Variants in AGBL4 observed in about 807,000 individuals in gnomAD.
The protein encoded by AGBL4 is cytosolic carboxypeptidase 6.
AGBL4 carries 58 observed loss-of-function variants against 66.4 expected under a neutral mutation model. That is an observed-to-expected ratio of 0.87 (90% CI 0.71 to 1.09). The LOEUF is 1.09. AGBL4 is among the 50% of genes least tolerant of loss of function. The probability of loss-of-function intolerance (pLI) is 0.00; values close to 1 mark genes in which losing one functional copy is unlikely to be tolerated. For synonymous variants in AGBL4, 234 were observed against 222.9 expected (o/e 1.05, Z -0.44); for missense variants, 579 against 631.0 (o/e 0.92, Z 0.88).
At chr1:48,781,874 A>G (rs1274546907) in intron 6 of AGBL4, among the ~76,000 whole-genome samples, 2 of 152,176 alleles carry the variant, frequency 1.3e-5, no homozygotes, top group African/African-American at 4.8e-5. Flanking sequence ...GTCTCTCCTC[A>G]TATGACCTGG....
chr1:48,943,251 G>T (rs1027836919), intron 5 of AGBL4, among the ~76,000 whole-genome samples: 2 of 152,144 alleles, frequency 1.3e-5, no homozygotes, highest in African/African-American at 4.8e-5. Flanking sequence ...GAGAAAGTGG[G>T]GTGGAGGTGG....
intron 4 of AGBL4, among the ~76,000 whole-genome samples, chr1:49,203,591 T>C (rs1266481702): frequency 1.3e-5 from 2 of 152,114 alleles, no homozygotes; most frequent in African/African-American, 2.4e-5. Flanking sequence ...AATATAATGA[T>C]GGTTGTCAGG....
intron 4 of AGBL4, among the ~76,000 whole-genome samples, chr1:49,163,375 A>C (rs1358164248): frequency 6.6e-6 from 1 of 152,138 alleles, no homozygotes; most frequent in Non-Finnish European, 1.5e-5. Context: ...TCCCTTTGTC[A>C]CAGTTCAAAT....
At position 48,595,546 on chromosome 1, in the gene AGBL4, G is replaced by A. The variant is rs542918956; in HGVS notation, c.952-4561C>T. ...GGTGGGGGATGGGGAGAGCATCTCC[G>A]TTCTTTCCTTCCAAACTTAAGGACC... is the stretch of plus-strand genomic sequence containing the variant. On this transcript the variant is annotated intron_variant, in intron 9 of 13. Coordinates refer to ENST00000371839, the MANE Select transcript of AGBL4 (RefSeq NM_032785.4). Among the ~76,000 whole-genome samples the A allele has an allele frequency of 2.0e-5, 3 of 152,326 alleles. 1 individual carries two copies. Among genetic ancestry groups the A allele is most frequent in the South Asian group, 4.1e-4 (2 of 4,832 alleles).
chr1:49,691,634 A>G (rs1429660803), intron 3 of AGBL4: 2 of 152,080 alleles, frequency 1.3e-5, no homozygotes, highest in African/African-American at 4.8e-5. Flanking sequence ...ACCTGATTGG[A>G]TTGAAGGATA....
intron 4 of AGBL4, among the ~76,000 whole-genome samples, chr1:49,062,089 C>A (rs893553627): frequency 6.6e-6 from 1 of 152,098 alleles, no homozygotes; most frequent in African/African-American, 2.4e-5. Context: ...ATTGCACTCT[C>A]CTTATGAGAA....
chr1:49,419,980 T>C (rs1645508242), intron 3 of AGBL4, among the ~76,000 whole-genome samples: 1 of 152,170 alleles, frequency 6.6e-6, no homozygotes, highest in African/African-American at 2.4e-5. Context: ...TCAGCCCCTG[T>C]AGCAGGTTTA....
At chr1:48,921,739 CTT>C (rs1420211644) in intron 5 of AGBL4, among the ~76,000 whole-genome samples, 1 of 152,192 alleles carries the variant, frequency 6.6e-6, no homozygotes, top group Non-Finnish European at 1.5e-5. Context: ...AGGTAAATAA[CTT>C]TCCCATGTCG....
chr1:49,583,936 A>C (rs774166168), intron 3 of AGBL4, among the ~76,000 whole-genome samples: 132 of 152,082 alleles, frequency 8.7e-4, no homozygotes, highest in Non-Finnish European at 1.4e-3. Context: ...CCCATAAAAA[A>C]CCAACTCCAG....
At chr1:49,203,174 A>C (rs1353303624) in intron 4 of AGBL4, among the ~76,000 whole-genome samples, 1 of 151,792 alleles carries the variant, frequency 6.6e-6, no homozygotes, top group Non-Finnish European at 1.5e-5. Flanking sequence ...TGTTGGTGGG[A>C]CTGTAAAATG....
At position 49,830,872 on chromosome 1, in the gene AGBL4, C is replaced by G. The variant is rs140521160; in HGVS notation, c.157+20524G>C. On this transcript the variant is annotated intron_variant, in intron 2 of 13. Transcript: ENST00000371839. Reference sequence around the variant, plus strand: ...CCATTTATTAAATAGGGAATCCTTTCCCCATTGCTTGTTTTTCTCAGGTTT... The same window carrying G: ...CCATTTATTAAATAGGGAATCCTTTGCCCATTGCTTGTTTTTCTCAGGTTT... Among the ~76,000 whole-genome samples the G allele has an allele frequency of 2.4e-3, 361 of 152,242 alleles. 11 individuals are homozygous for G. The East Asian group carries it at 0.055, about 23-fold the overall frequency.
intron 6 of AGBL4, among the ~76,000 whole-genome samples, chr1:48,732,941 G>T (rs1168040832): frequency 6.6e-6 from 1 of 152,214 alleles, no homozygotes; most frequent in Admixed American, 6.5e-5. Context: ...CTCAGTGAAG[G>T]AGGAATGATC....
chr1:49,024,069 G>A (rs1663452421), intron 5 of AGBL4, among the ~76,000 whole-genome samples: 1 of 152,098 alleles, frequency 6.6e-6, no homozygotes, highest in Non-Finnish European at 1.5e-5. Context: ...TCAAGAAGAT[G>A]AAGAAAAGTT....
downstream of AGBL4, among the ~76,000 whole-genome samples, chr1:48,532,611 A>T (rs75351680): frequency 0.025 from 3,821 of 152,302 alleles, 81 homozygotes; most frequent in Non-Finnish European, 0.042. Flanking sequence ...AAATGATGCT[A>T]TCATTTCCAA....
chr1:49,447,420 G>A (rs890153503), intron 3 of AGBL4, among the ~76,000 whole-genome samples: 1 of 152,150 alleles, frequency 6.6e-6, no homozygotes, highest in Non-Finnish European at 1.5e-5. Flanking sequence ...AGCCCTCTGA[G>A]TAGACACAGG....
chr1:48,563,581 G>A (rs1255730692), intron 11 of AGBL4, among the ~76,000 whole-genome samples: 1 of 152,038 alleles, frequency 6.6e-6, no homozygotes, highest in Non-Finnish European at 1.5e-5. Context: ...AACACACAAA[G>A]ACAAATTCTC....
At chr1:49,970,738 CACACACACAT>C (rs1658003938) in intron 1 of AGBL4, among the ~76,000 whole-genome samples, 1 of 118,526 alleles carries the variant, frequency 8.4e-6, no homozygotes, top group African/African-American at 2.9e-5. Flanking sequence ...CACACACACA[CACACACACAT>C]ACACAAACAA....
At chr1:49,153,433 G>A (rs918153076) in intron 4 of AGBL4, among the ~76,000 whole-genome samples, 3 of 152,012 alleles carry the variant, frequency 2.0e-5, no homozygotes, top group African/African-American at 7.2e-5. Context: ...CCCTCTTAAT[G>A]ATGAAAAGAA....
chr1:49,491,146 A>G (rs902635381), intron 3 of AGBL4, among the ~76,000 whole-genome samples: 17 of 151,798 alleles, frequency 1.1e-4, no homozygotes, highest in Admixed American at 4.6e-4. Context: ...CTTGTGTCTA[A>G]TGCAGTACTG....
Sources: gnomAD v4.1 joint callset for allele counts (sites outside exome capture counted in the v4.1 genomes callset) on GRCh38, gnomAD v4.1.1 for gene constraint, MANE v1.5 for transcripts, NCBI Gene and HGNC (gene_info 2026-07-23, HGNC 2026-07-21) for gene names.